Variants in RBFOX1 observed in about 807,000 individuals in gnomAD.
The protein encoded by RBFOX1 is RNA binding protein fox-1 homolog 1.
A neutral mutation model predicts 57.7 loss-of-function variants in RBFOX1; 8 were observed. The ratio of observed to expected loss-of-function variants is 0.14; its 90% CI spans 0.08 to 0.25. The LOEUF is 0.25. Among genes scored for constraint, RBFOX1 ranks in the 10% least tolerant of loss-of-function variants. RBFOX1 has a pLI of 1.00. For synonymous variants in RBFOX1, 326 were observed against 222.4 expected (o/e 1.47, Z -4.15); for missense variants, 611 against 548.5 (o/e 1.11, Z -1.14).
intron 1 of RBFOX1, among the ~76,000 whole-genome samples, chr16:6,215,671 T>C (rs184309791): frequency 1.4e-4 from 21 of 152,262 alleles, no homozygotes; most frequent in African/African-American, 5.1e-4. Context: ...GCAGCACATT[T>C]TGTCTCTCCC....
At chr16:5,928,338 C>T (rs924286751) in intron 4 of RBFOX1, among the ~76,000 whole-genome samples, 3 of 151,660 alleles carry the variant, frequency 2.0e-5, no homozygotes, top group Non-Finnish European at 4.4e-5. Flanking sequence ...CAGCCCCTGC[C>T]TTCCCAAGTG....
Position 6,146,134 on chromosome 16 carries a change from C to T in RBFOX1, c.-127+126142C>T, listed in dbSNP as rs149655290. ...AGCACCTTTCTGACCCTTTATATCA[C>T]CCCGAAAACAGCAAACATTTGTTGA... On this transcript the variant is annotated intron_variant, in intron 1 of 15. Transcript: ENST00000550418. Among the ~76,000 whole-genome samples, 1,127 of 152,206 alleles carry T rather than the reference C, an allele frequency of 7.4e-3. 18 individuals are homozygous for T. The highest frequency in any genetic ancestry group is 0.025 in the African/African-American group (1,039 of 41,530).
intron 4 of RBFOX1, among the ~76,000 whole-genome samples, chr16:7,434,615 C>G (rs562370586): frequency 6.6e-5 from 10 of 152,020 alleles, no homozygotes; most frequent in Non-Finnish European, 1.2e-4. Flanking sequence ...TAAGGGGATC[C>G]TAAAGTTTAG....
rs905421293 is a variant in RBFOX1, at chr16:7,689,269, G to A, written c.995+12431G>A. 2.8e-4 allele frequency among the ~76,000 whole-genome samples: 42 copies of A among 152,030 alleles called. 3 individuals are homozygous for A. Among genetic ancestry groups the A allele is most frequent in the Admixed American group, 2.8e-3 (42 of 15,244 alleles). On this transcript the variant is annotated intron_variant, in intron 14 of 15. Coordinates refer to ENST00000550418, the MANE Select transcript of RBFOX1 (RefSeq NM_018723.4). ...GCCATTTCATCATTTTTCATACATT[G>A]GTAATCCTTCCTCTTCTCCACCCCC...
At chr16:7,256,819 C>G (rs1022763309) in intron 4 of RBFOX1, among the ~76,000 whole-genome samples, 1 of 152,154 alleles carries the variant, frequency 6.6e-6, no homozygotes, top group African/African-American at 2.4e-5. Flanking sequence ...TCTCACCGTT[C>G]TACGCACACA....
Position 6,631,959 on chromosome 16 carries a change from G to T in RBFOX1, c.-63-22644G>T, listed in dbSNP as rs575823166. 6.6e-5 allele frequency among the ~76,000 whole-genome samples: 10 copies of T among 152,298 alleles called. No homozygotes were observed. In the South Asian group the frequency reaches 1.9e-3, roughly 28 times the overall value. ...GCGAAATGGGCAAAGAGCTATGTTGGGAGCTGGGTTTATTCTCAATGGAAG... is the reference window on the plus strand; with the variant it reads ...GCGAAATGGGCAAAGAGCTATGTTGTGAGCTGGGTTTATTCTCAATGGAAG... On this transcript the variant is annotated intron_variant, in intron 2 of 15. Transcript: ENST00000550418.
intron 4 of RBFOX1, among the ~76,000 whole-genome samples, chr16:5,950,323 T>C (rs986355935): frequency 3.3e-5 from 5 of 152,194 alleles, no homozygotes; most frequent in African/African-American, 7.2e-5. Context: ...TGGGCTGATA[T>C]TGAGACGATG....
intron 3 of RBFOX1, among the ~76,000 whole-genome samples, chr16:6,846,099 A>G (rs945983869): frequency 6.6e-6 from 1 of 152,104 alleles, no homozygotes; most frequent in Non-Finnish European, 1.5e-5. Flanking sequence ...CCACTAAAAT[A>G]TAGGTATAGT....
chr16:5,523,344 G>T (rs556096361), intron 2 of RBFOX1, among the ~76,000 whole-genome samples: 89 of 151,390 alleles, frequency 5.9e-4, no homozygotes, highest in Middle Eastern at 3.4e-3. Context: ...AGCTGGGCGC[G>T]GTGGTTTATG....
At chr16:5,508,358 A>G in intron 2 of RBFOX1, among the ~76,000 whole-genome samples, 1 of 152,128 alleles carries the variant, frequency 6.6e-6, no homozygotes, top group East Asian at 1.9e-4. Flanking sequence ...TCCCCACTCC[A>G]ATGCGGCCAC....
chr16:5,459,379 G>A (rs1014348588), intron 1 of RBFOX1, among the ~76,000 whole-genome samples: 2 of 152,110 alleles, frequency 1.3e-5, no homozygotes, highest in South Asian at 2.1e-4. Context: ...GGGACCCCAG[G>A]TGGATTTTGA....
At chr16:7,668,779 A>G (rs776041585) in intron 13 of RBFOX1, among the ~76,000 whole-genome samples, 13 of 152,146 alleles carry the variant, frequency 8.5e-5, no homozygotes, top group Non-Finnish European at 1.8e-4. Flanking sequence ...GCACCTTTAA[A>G]TACATTCATT....
At chr16:7,488,214 G>A (rs780798521) in intron 4 of RBFOX1, among the ~76,000 whole-genome samples, 1 of 152,152 alleles carries the variant, frequency 6.6e-6, no homozygotes, top group East Asian at 1.9e-4. Context: ...TGCAGGAGGG[G>A]CTTCAGCTCC....
chr16:6,364,368 C>A (rs1426110470), intron 2 of RBFOX1, among the ~76,000 whole-genome samples: 1 of 152,124 alleles, frequency 6.6e-6, no homozygotes. Context: ...CTCTTTCTTT[C>A]TTTCTCATCT....
intron 4 of RBFOX1, among the ~76,000 whole-genome samples, chr16:7,144,064 T>C (rs2074396898): frequency 6.6e-6 from 1 of 152,224 alleles, no homozygotes; most frequent in Non-Finnish European, 1.5e-5. Context: ...CGGGTTGATG[T>C]GTCTGTAGGC....
chr16:5,786,783 A>G (rs1463258889), intron 3 of RBFOX1, among the ~76,000 whole-genome samples: 2 of 152,134 alleles, frequency 1.3e-5, no homozygotes, highest in African/African-American at 2.4e-5. Flanking sequence ...TGACAGTGAG[A>G]AATTGGTGTT....
chr16:6,643,617 A>G (rs1242532359), intron 2 of RBFOX1, among the ~76,000 whole-genome samples: 1 of 152,206 alleles, frequency 6.6e-6, no homozygotes, highest in African/African-American at 2.4e-5. Flanking sequence ...ATTCAAATTC[A>G]AGCACAGTAT....
chr16:5,471,340 T>C (rs1452628389), intron 2 of RBFOX1, among the ~76,000 whole-genome samples: 3 of 152,208 alleles, frequency 2.0e-5, no homozygotes, highest in Non-Finnish European at 2.9e-5. Context: ...ACAGTTGAGA[T>C]GTTTTTTAAC....
At chr16:5,847,057 C>G (rs919842085) in intron 3 of RBFOX1, among the ~76,000 whole-genome samples, 5 of 152,180 alleles carry the variant, frequency 3.3e-5, no homozygotes, top group African/African-American at 4.8e-5. Flanking sequence ...GTTGAACCCA[C>G]TAGCTCTCTT....
Sources: allele counts gnomAD v4.1 joint callset (sites outside exome capture counted in the v4.1 genomes callset), GRCh38; gene constraint gnomAD v4.1.1; transcripts MANE v1.5; gene names NCBI Gene and HGNC (gene_info 2026-07-23, HGNC 2026-07-21).